GALNT13: variants seen among roughly 807,000 people sequenced by gnomAD.
GALNT13 encodes the protein UDP-GalNAc:polypeptide N-acetylgalactosaminyltransferase 13.
Under a neutral mutation model 64.2 loss-of-function variants are expected in GALNT13, and 28 were observed. The ratio of observed to expected loss-of-function variants is 0.44; its 90% CI spans 0.32 to 0.60. GALNT13 has a LOEUF of 0.60. GALNT13 is among the 20% of genes least tolerant of loss of function. The pLI is 0.05. For synonymous variants in GALNT13, 214 were observed against 224.6 expected (o/e 0.95, Z 0.42); for missense variants, 577 against 669.8 (o/e 0.86, Z 1.53).
At chr2:153,405,416 T>A in the GALNT13 span, among the ~76,000 whole-genome samples, 16 of 152,280 alleles carry the variant, frequency 1.1e-4, no homozygotes, top group African/African-American at 3.8e-4. Context: ...CTTCATGCCT[T>A]TGCATCCATA....
intron 1 of GALNT13, among the ~76,000 whole-genome samples, chr2:153,887,501 T>A (rs1049247155): frequency 6.6e-6 from 1 of 151,798 alleles, no homozygotes; most frequent in Non-Finnish European, 1.5e-5. Context: ...AAAACTGTGT[T>A]AGTGAAATAT....
chr2:153,920,735 G>A (rs13002831), intron 2 of GALNT13, among the ~76,000 whole-genome samples: 30,646 of 151,956 alleles, frequency 0.2, 4,060 homozygotes, highest in Middle Eastern at 0.33. Context: ...GCTATGCATC[G>A]AACAAAGGTC....
At chr2:153,508,441 C>T in the GALNT13 span, among the ~76,000 whole-genome samples, 2 of 152,036 alleles carry the variant, frequency 1.3e-5, no homozygotes, top group Admixed American at 6.5e-5. Context: ...AGTTATGTTC[C>T]CACGTGGAGT....
the GALNT13 span, among the ~76,000 whole-genome samples, chr2:153,328,560 G>A: frequency 6.6e-6 from 1 of 152,060 alleles, no homozygotes; most frequent in Non-Finnish European, 1.5e-5. Context: ...TGCTTTGGTG[G>A]GTTCTGCAGA....
At chr2:154,076,126 C>A (rs1558944440) in intron 3 of GALNT13, among the ~76,000 whole-genome samples, 1 of 151,492 alleles carries the variant, frequency 6.6e-6, no homozygotes, top group Non-Finnish European at 1.5e-5. Context: ...CATTATAGTA[C>A]CCAATCTGAA....
At chr2:153,480,102 A>G in the GALNT13 span, among the ~76,000 whole-genome samples, 1 of 152,238 alleles carries the variant, frequency 6.6e-6, no homozygotes, top group African/African-American at 2.4e-5. Flanking sequence ...TTCCACATGT[A>G]TATGTGTATC....
the GALNT13 span, among the ~76,000 whole-genome samples, chr2:153,564,945 T>G: frequency 6.6e-6 from 1 of 152,164 alleles, no homozygotes; most frequent in Non-Finnish European, 1.5e-5. Flanking sequence ...GCGGGCCGCA[T>G]GGTAGAAAAC....
chr2:153,804,319 C>T, the GALNT13 span, among the ~76,000 whole-genome samples: 1 of 152,128 alleles, frequency 6.6e-6, no homozygotes, highest in African/African-American at 2.4e-5. Flanking sequence ...AGGCATGTGC[C>T]ATCATCAGCT....
the GALNT13 span, among the ~76,000 whole-genome samples, chr2:153,202,175 G>A: frequency 1.3e-5 from 2 of 151,498 alleles, no homozygotes; most frequent in Non-Finnish European, 2.9e-5. Flanking sequence ...TAGTAGAGAC[G>A]GGGTTTCACC....
At chr2:154,268,934 T>A (rs2105918027) in intron 8 of GALNT13, among the ~76,000 whole-genome samples, 1 of 152,244 alleles carries the variant, frequency 6.6e-6, no homozygotes, top group South Asian at 2.1e-4. Context: ...ATATTTTAAT[T>A]AACAAGATCG....
chr2:154,413,844 C>A (rs1464025978), intron 11 of GALNT13, among the ~76,000 whole-genome samples: 1 of 152,152 alleles, frequency 6.6e-6, no homozygotes, highest in Middle Eastern at 3.4e-3. Context: ...TTGATTTATT[C>A]ATTGTTTTAT....
At chr2:154,067,700 A>C (rs1354849955) in intron 3 of GALNT13, among the ~76,000 whole-genome samples, 1 of 152,088 alleles carries the variant, frequency 6.6e-6, no homozygotes, top group Admixed American at 6.6e-5. Flanking sequence ...ATGTCTCACC[A>C]TATACAAAAG....
rs942594868 is a variant in GALNT13 at position 154,311,251 on chromosome 2, C to CG, written c.1156+9667dup. Among the ~76,000 whole-genome samples, 8 of 152,096 alleles carry CG rather than the reference C, an allele frequency of 5.3e-5. 1 individual carries two copies. The highest frequency in any genetic ancestry group is 3.4e-3 in the Middle Eastern group (1 of 294). On this transcript the variant is annotated intron_variant, in intron 9 of 12. Transcript: ENST00000392825. ...TGTATAGATAATTGCACAGATATATCGGGGGTCCTGCCCCGATAATCACGT... is the reference window on the plus strand; with the variant it reads ...TGTATAGATAATTGCACAGATATATCGGGGGGTCCTGCCCCGATAATCACGT...
At chr2:154,104,961 A>G (rs35941921) in intron 3 of GALNT13, among the ~76,000 whole-genome samples, 28,391 of 152,126 alleles carry the variant, frequency 0.19, 3,371 homozygotes, top group Non-Finnish European at 0.26. Context: ...GAAGTTCTCA[A>G]ACTGCCACAG....
chr2:154,019,534 T>C (rs1472565027), intron 3 of GALNT13, among the ~76,000 whole-genome samples: 1 of 150,020 alleles, frequency 6.7e-6, no homozygotes, highest in Non-Finnish European at 1.5e-5. Context: ...CGCTTGAACT[T>C]GGGAGGCAGA....
the GALNT13 span, among the ~76,000 whole-genome samples, chr2:153,238,167 A>T: frequency 1.3e-5 from 2 of 152,026 alleles, no homozygotes; most frequent in Non-Finnish European, 2.9e-5. Flanking sequence ...TCTCTTGCTC[A>T]TTTTTAAATC....
chr2:153,581,432 C>T, the GALNT13 span, among the ~76,000 whole-genome samples: 432 of 151,962 alleles, frequency 2.8e-3, 9 homozygotes, highest in Admixed American at 0.023. Context: ...TATTTATTTA[C>T]AAGTTTGTAG....
chr2:153,093,998 A>G, the GALNT13 span, among the ~76,000 whole-genome samples: 1 of 151,962 alleles, frequency 6.6e-6, no homozygotes, highest in Admixed American at 6.6e-5. Context: ...TGATCCTTTG[A>G]ATTTCTGCAG....
the GALNT13 span, among the ~76,000 whole-genome samples, chr2:153,151,092 A>C: frequency 1.3e-5 from 2 of 151,962 alleles, no homozygotes; most frequent in Non-Finnish European, 2.9e-5. Context: ...GATTCTTCCT[A>C]CCCAAGAGCA....
Sources: allele counts gnomAD v4.1 joint callset (sites outside exome capture counted in the v4.1 genomes callset), GRCh38; gene constraint gnomAD v4.1.1; transcripts MANE v1.5; gene names NCBI Gene and HGNC (gene_info 2026-07-23, HGNC 2026-07-21).